DAB1: variants seen among roughly 807,000 people sequenced by gnomAD.
DAB1 encodes disabled homolog 1.
A neutral mutation model predicts 64.6 loss-of-function variants in DAB1; 15 were observed. That is an observed-to-expected ratio of 0.23 (90% CI 0.16 to 0.36). The LOEUF is 0.36. Ranked by LOEUF, DAB1 falls within the 10% of genes least tolerant of loss-of-function variation. The pLI, the probability that DAB1 is intolerant of heterozygous loss-of-function variation, is 1.00. For synonymous variants in DAB1, 235 were observed against 251.9 expected (o/e 0.93, Z 0.64); for missense variants, 596 against 706.7 (o/e 0.84, Z 1.78).
At chr1:58,074,545 C>CATATATATATATAT (rs1557638894) in intron 5 of DAB1, 1 of 60,956 alleles carries the variant, frequency 1.6e-5, no homozygotes, top group African/African-American at 7.9e-5. Flanking sequence ...TATATATATA[C>CATATATATATATAT]ACACATATAT....
chr1:58,059,853 G>A (rs979190334), intron 5 of DAB1, among the ~76,000 whole-genome samples: 1 of 152,242 alleles, frequency 6.6e-6, no homozygotes, highest in South Asian at 2.1e-4. Context: ...GGAAATGGCA[G>A]AGAAAGGATG....
At chr1:57,808,494 G>A (rs1247004228) in intron 6 of DAB1, among the ~76,000 whole-genome samples, 3 of 152,160 alleles carry the variant, frequency 2.0e-5, no homozygotes, top group Non-Finnish European at 4.4e-5. Context: ...TTGGCACATG[G>A]TAAGCATTCA....
intron 1 of DAB1, among the ~76,000 whole-genome samples, chr1:57,344,352 C>T (rs1192277673): frequency 6.6e-6 from 1 of 152,126 alleles, no homozygotes; most frequent in Non-Finnish European, 1.5e-5. Context: ...AGAAAATAAG[C>T]TAAGATAGCC....
At chr1:58,075,924 GTCTTTC>G (rs1027927592) in intron 5 of DAB1, among the ~76,000 whole-genome samples, 2 of 145,788 alleles carry the variant, frequency 1.4e-5, no homozygotes, top group African/African-American at 2.4e-5. Context: ...TCTGTTACAA[GTCTTTC>G]TCTCTCTCTC....
intron 6 of DAB1, among the ~76,000 whole-genome samples, chr1:57,813,678 T>G (rs1324680144): frequency 6.6e-6 from 1 of 152,146 alleles, no homozygotes; most frequent in Non-Finnish European, 1.5e-5. Context: ...AAGCACAGAA[T>G]AAATATTTAT....
At chr1:58,243,291 A>G (rs1439609678) in intron 4 of DAB1, among the ~76,000 whole-genome samples, 1 of 152,176 alleles carries the variant, frequency 6.6e-6, no homozygotes, top group Non-Finnish European at 1.5e-5. Context: ...CATTTTAAGT[A>G]AACAAAAAGC....
At chr1:57,663,146 G>A (rs944309528) in intron 6 of DAB1, among the ~76,000 whole-genome samples, 1 of 152,142 alleles carries the variant, frequency 6.6e-6, no homozygotes, top group Non-Finnish European at 1.5e-5. Flanking sequence ...GACTGAAGGC[G>A]AAGGAGAAGC....
chr1:57,745,202 G>A (rs995684959), intron 6 of DAB1, among the ~76,000 whole-genome samples: 1 of 152,104 alleles, frequency 6.6e-6, no homozygotes, highest in Non-Finnish European at 1.5e-5. Flanking sequence ...TTGGAGGTAA[G>A]GGAATGTATC....
chr1:57,810,568 G>A (rs946741650), intron 6 of DAB1, among the ~76,000 whole-genome samples: 1 of 152,090 alleles, frequency 6.6e-6, no homozygotes, highest in Non-Finnish European at 1.5e-5. Flanking sequence ...CTCTGCCTAT[G>A]ACCATCTGAC....
At chr1:58,431,415 G>A (rs980530647) in intron 3 of DAB1, among the ~76,000 whole-genome samples, 17 of 151,918 alleles carry the variant, frequency 1.1e-4, no homozygotes, top group Admixed American at 6.5e-4. Flanking sequence ...AAAATTAGCC[G>A]GGCGTGGTGG....
chr1:57,413,526 G>A (rs966896442), intron 1 of DAB1, among the ~76,000 whole-genome samples: 9 of 151,986 alleles, frequency 5.9e-5, no homozygotes, highest in African/African-American at 2.2e-4. Flanking sequence ...TGGATCACGA[G>A]GTCAGGAGAT....
At chr1:57,445,136 G>A (rs1408061024) in intron 7 of DAB1, among the ~76,000 whole-genome samples, 1 of 151,754 alleles carries the variant, frequency 6.6e-6, no homozygotes, top group Non-Finnish European at 1.5e-5. Context: ...TATTTTTAGA[G>A]TTTTATTAAC....
intron 1 of DAB1, among the ~76,000 whole-genome samples, chr1:57,314,789 G>C (rs938403223): frequency 1.3e-5 from 2 of 150,880 alleles, no homozygotes; most frequent in South Asian, 4.2e-4. Context: ...CACACACAAA[G>C]AAAGGGATGA....
At chr1:57,341,753 G>A (rs547420568) in intron 1 of DAB1, among the ~76,000 whole-genome samples, 72 of 152,188 alleles carry the variant, frequency 4.7e-4, no homozygotes, top group African/African-American at 1.6e-3. Flanking sequence ...CAGGTCCCCC[G>A]AAAAAGATTA....
intron 4 of DAB1, among the ~76,000 whole-genome samples, chr1:58,152,347 A>G (rs965510438): frequency 6.6e-6 from 1 of 152,190 alleles, no homozygotes; most frequent in Non-Finnish European, 1.5e-5. Flanking sequence ...CTTATCAGAG[A>G]GAAGGTAAAG....
intron 3 of DAB1, among the ~76,000 whole-genome samples, chr1:58,394,787 T>C (rs1215974686): frequency 6.6e-6 from 1 of 152,182 alleles, no homozygotes; most frequent in African/African-American, 2.4e-5. Flanking sequence ...TATTATACTT[T>C]GGGGGCCAAT....
At chr1:57,072,549 G>A (rs1651584033) in intron 4 of DAB1, 135 bp from the exon 5 acceptor site, 1 of 827,768 alleles carries the variant, frequency 1.2e-6, no homozygotes, top group Non-Finnish European at 1.8e-6. Context: ...CAGATGGAAA[G>A]AAAAAGAGCT....
At chr1:58,393,120 C>CTTTTTTTTTTTTTT (rs34546253) in intron 3 of DAB1, among the ~76,000 whole-genome samples, 1 of 117,190 alleles carries the variant, frequency 8.5e-6, no homozygotes, top group Non-Finnish European at 1.7e-5. Context: ...ACTTCCAAAT[C>CTTTTTTTTTTTTTT]TTTTTTTTTT....
chr1:58,056,512 G>T, intron 5 of DAB1: 1 of 1,122,090 alleles, frequency 8.9e-7, no homozygotes, highest in Non-Finnish European at 1.3e-6. Flanking sequence ...GAGCTCATGT[G>T]CATTCTTAAT....
Sources: gnomAD v4.1 joint callset for allele counts (sites outside exome capture counted in the v4.1 genomes callset) on GRCh38, gnomAD v4.1.1 for gene constraint, MANE v1.5 for transcripts, NCBI Gene and HGNC (gene_info 2026-07-23, HGNC 2026-07-21) for gene names.